SPOCK3: variants seen among roughly 807,000 people sequenced by gnomAD.
SPOCK3 encodes testican-3.
SPOCK3 carries 30 observed loss-of-function variants against 56.6 expected under a neutral mutation model. The ratio of observed to expected loss-of-function variants is 0.53; its 90% CI spans 0.40 to 0.72. The LOEUF is 0.72. Among genes scored for constraint, SPOCK3 ranks in the 30% least tolerant of loss-of-function variants. The pLI is 0.00. For missense variants in SPOCK3, 527 were observed against 530.0 expected (o/e 0.99, Z 0.06); for synonymous variants, 196 against 183.3 (o/e 1.07, Z -0.56).
intron 2 of SPOCK3, among the ~76,000 whole-genome samples, chr4:167,216,363 A>G (rs1379026978): frequency 6.6e-6 from 1 of 151,988 alleles, no homozygotes; most frequent in African/African-American, 2.4e-5. Flanking sequence ...ACAAGATCAG[A>G]ACTATGATTT....
rs373632899 is a variant in SPOCK3 at position 166,944,711 on chromosome 4, ATCT to A, written c.351-31971_351-31969del. Among the ~76,000 whole-genome samples, 44 of 151,006 alleles carry A rather than the reference ATCT, an allele frequency of 2.9e-4. No homozygotes were observed. The East Asian group carries it at 5.4e-3, about 19-fold the overall frequency. On this transcript the variant is annotated intron_variant, in intron 4 of 10. Coordinates refer to ENST00000357545, the MANE Select transcript of SPOCK3 (RefSeq NM_001040159.2). ...AGAAATTACATATTATTTTTGTCAC[ATCT>A]TCTTATGTGGCTCATAATTTATTTT... is the stretch of plus-strand genomic sequence containing the variant.
chr4:167,033,630 C>T (rs1345280970), intron 3 of SPOCK3, among the ~76,000 whole-genome samples: 2 of 151,866 alleles, frequency 1.3e-5, no homozygotes, highest in Admixed American at 6.6e-5. Flanking sequence ...CCATGGTGAA[C>T]CTCAGAATGA....
At chr4:167,169,754 G>C (rs1213946754) in intron 2 of SPOCK3, among the ~76,000 whole-genome samples, 1 of 152,108 alleles carries the variant, frequency 6.6e-6, no homozygotes, top group African/African-American at 2.4e-5. Flanking sequence ...TGGTTTAGCT[G>C]TGTCCCCACC....
At chr4:166,820,176 T>C (rs928543954) in intron 6 of SPOCK3, among the ~76,000 whole-genome samples, 1 of 152,118 alleles carries the variant, frequency 6.6e-6, no homozygotes, top group African/African-American at 2.4e-5. Flanking sequence ...AATAACTATA[T>C]ATTTTGACAG....
At position 166,754,702 on chromosome 4, in the gene SPOCK3, C is replaced by A. The variant is rs1349977555; in HGVS notation, c.737G>T (p.Cys246Phe). 5 of 1,613,178 alleles carry A rather than the reference C, an allele frequency of 3.1e-6. No individual in the cohort carries two copies. Among genetic ancestry groups the A allele is most frequent in the Non-Finnish European group, 4.2e-6 (5 of 1,179,544 alleles). ...AAACATCCAGCCAAGTGAGTCCTTG[C>A]AAATTGGCAAGATGCTGGTATCGAA... The part of the protein sequence containing the change: ...SRFDTSILPI[C>F]KDSLGWMFNR... Residue 246 changes from cysteine to phenylalanine, a missense_variant, in exon 8 of 11, where the codon TGC becomes TTC. By Grantham distance (205) the Cys-to-Phe change is radical. Coordinates refer to ENST00000357545, the MANE Select transcript of SPOCK3 (RefSeq NM_001040159.2).
intron 2 of SPOCK3, among the ~76,000 whole-genome samples, chr4:167,108,858 C>T (rs1242821225): frequency 6.8e-6 from 1 of 146,178 alleles, no homozygotes; most frequent in Non-Finnish European, 1.5e-5. Flanking sequence ...GATGAATACT[C>T]CATTTACTCT....
At chr4:167,072,923 A>G (rs1057015720) in intron 2 of SPOCK3, among the ~76,000 whole-genome samples, 5 of 151,990 alleles carry the variant, frequency 3.3e-5, no homozygotes, top group African/African-American at 1.2e-4. Flanking sequence ...AAGTGCCTCT[A>G]AGTACTAAAA....
chr4:167,208,209 A>G (rs950818417), intron 2 of SPOCK3, among the ~76,000 whole-genome samples: 12 of 150,086 alleles, frequency 8.0e-5, no homozygotes, highest in African/African-American at 2.8e-4. Context: ...AAAAGTGGGA[A>G]AAAAAAACTG....
intron 2 of SPOCK3, among the ~76,000 whole-genome samples, chr4:167,116,538 A>G (rs1210718397): frequency 7.2e-6 from 1 of 139,560 alleles, no homozygotes; most frequent in Non-Finnish European, 1.5e-5. Context: ...GTATATATAT[A>G]TAAAAGTATA....
chr4:167,099,866 T>C (rs1021753923), intron 2 of SPOCK3, among the ~76,000 whole-genome samples: 4 of 152,164 alleles, frequency 2.6e-5, no homozygotes, highest in African/African-American at 7.2e-5. Context: ...CTGATATTAC[T>C]ATTCAAACGC....
chr4:166,844,091 G>A (rs1189942758), intron 6 of SPOCK3, among the ~76,000 whole-genome samples: 1 of 152,206 alleles, frequency 6.6e-6, no homozygotes, highest in Non-Finnish European at 1.5e-5. Context: ...AGCCCAGACT[G>A]AAAGTGGTTC....
chr4:166,988,832 C>T (rs1412621449), intron 4 of SPOCK3, among the ~76,000 whole-genome samples: 29 of 152,154 alleles, frequency 1.9e-4, no homozygotes. Context: ...AAAATACCTA[C>T]AAATTTCTTA....
intron 2 of SPOCK3, among the ~76,000 whole-genome samples, chr4:167,213,072 G>C (rs942322175): frequency 6.6e-6 from 1 of 152,206 alleles, no homozygotes; most frequent in African/African-American, 2.4e-5. Flanking sequence ...TTACAGAAAT[G>C]TTAATACTGC....
intron 4 of SPOCK3, among the ~76,000 whole-genome samples, chr4:166,954,076 A>G (rs888208304): frequency 2.0e-5 from 3 of 150,512 alleles, no homozygotes; most frequent in African/African-American, 7.2e-5. Context: ...CTAAAACTTA[A>G]AGTATAATAA....
At chr4:167,005,590 T>TA (rs5863855) in intron 3 of SPOCK3, among the ~76,000 whole-genome samples, 230 of 149,208 alleles carry the variant, frequency 1.5e-3, no homozygotes, top group Admixed American at 2.1e-3. Flanking sequence ...CAGAAACCAT[T>TA]AAAAAAAAAA....
intron 8 of SPOCK3, among the ~76,000 whole-genome samples, chr4:166,745,957 C>T (rs1735555098): frequency 6.6e-6 from 1 of 152,272 alleles, no homozygotes; most frequent in African/African-American, 2.4e-5. Context: ...TATATATGAA[C>T]TCAATACAGG....
At chr4:167,030,942 T>G (rs1467783340) in intron 3 of SPOCK3, among the ~76,000 whole-genome samples, 1 of 152,068 alleles carries the variant, frequency 6.6e-6, no homozygotes, top group Non-Finnish European at 1.5e-5. Flanking sequence ...CATTGCTCCA[T>G]TTCCCGTCTG....
chr4:167,218,769 A>T (rs1186183011), intron 2 of SPOCK3, among the ~76,000 whole-genome samples: 1 of 152,176 alleles, frequency 6.6e-6, no homozygotes, highest in Non-Finnish European at 1.5e-5. Flanking sequence ...AGACAAAAAA[A>T]CTTTAAATTC....
chr4:166,742,269 CTATCTATCTAAT>C (rs1734951946), intron 8 of SPOCK3, among the ~76,000 whole-genome samples: 1 of 149,262 alleles, frequency 6.7e-6, no homozygotes, highest in Admixed American at 6.7e-5. Flanking sequence ...ATCTATCTAT[CTATCTATCTAAT>C]ATCTATCTAT....
Sources: allele counts gnomAD v4.1 joint callset (sites outside exome capture counted in the v4.1 genomes callset), GRCh38; gene constraint gnomAD v4.1.1; transcripts MANE v1.5; gene names NCBI Gene and HGNC (gene_info 2026-07-23, HGNC 2026-07-21).